The following ESRRG variants were observed in gnomAD, a reference collection of about 807,000 sequenced individuals.
ESRRG encodes the protein estrogen related receptor gamma, also known as estrogen-related receptor gamma.
In ESRRG, 13 loss-of-function variants were observed where a neutral mutation model predicts 44.0. The observed-to-expected ratio is 0.30, with a 90% confidence interval of 0.19 to 0.47. The LOEUF (loss-of-function observed/expected upper bound fraction) is 0.47. Ranked by LOEUF, ESRRG falls within the 20% of genes least tolerant of loss-of-function variation. ESRRG has a pLI of 1.00. For missense variants in ESRRG, 395 were observed against 580.6 expected (o/e 0.68, Z 3.29); for synonymous variants, 215 against 214.6 (o/e 1.00, Z -0.02).
At chr1:216,817,791 T>A (rs1249604003) in intron 2 of ESRRG, among the ~76,000 whole-genome samples, 1 of 152,208 alleles carries the variant, frequency 6.6e-6, no homozygotes, top group Non-Finnish European at 1.5e-5. Context: ...GATACACATT[T>A]AAAATTACTG....
chr1:216,793,673 T>C (rs1297081200), intron 2 of ESRRG, among the ~76,000 whole-genome samples: 2 of 152,190 alleles, frequency 1.3e-5, no homozygotes, highest in African/African-American at 4.8e-5. Flanking sequence ...TATAAGATTA[T>C]AGATATTTGT....
chr1:216,732,848 A>AGG (rs1237409035), intron 2 of ESRRG, among the ~76,000 whole-genome samples: 15 of 77,860 alleles, frequency 1.9e-4, no homozygotes, highest in Non-Finnish European at 3.6e-4. Context: ...TAAAAAAAAA[A>AGG]AGGGGGGGGA....
chr1:216,631,378 A>C (rs1156767088), intron 3 of ESRRG, among the ~76,000 whole-genome samples: 1 of 152,192 alleles, frequency 6.6e-6, no homozygotes, highest in East Asian at 1.9e-4. Context: ...CTTGGTAAAT[A>C]GTGTTTGTTT....
chr1:217,110,532 G>A (rs1374235644), intron 1 of ESRRG, among the ~76,000 whole-genome samples: 1 of 152,164 alleles, frequency 6.6e-6, no homozygotes. Context: ...CTGGAAGCAT[G>A]TTGGCATCTT....
chr1:216,720,131 C>G (rs2085897901), intron 1 of ESRRG, among the ~76,000 whole-genome samples: 1 of 151,972 alleles, frequency 6.6e-6, no homozygotes, highest in African/African-American at 2.4e-5. Context: ...TTACATAATA[C>G]TAGTCATCTG....
At chr1:216,693,438 T>A (rs2079479012) in intron 1 of ESRRG, among the ~76,000 whole-genome samples, 1 of 152,168 alleles carries the variant, frequency 6.6e-6, no homozygotes, top group South Asian at 2.1e-4. Context: ...AGTTTTAACA[T>A]CCTTTTTAAT....
intron 3 of ESRRG, among the ~76,000 whole-genome samples, chr1:216,628,826 T>C (rs2063618991): frequency 6.6e-6 from 1 of 152,218 alleles, no homozygotes; most frequent in African/African-American, 2.4e-5. Flanking sequence ...AGATCCTTCA[T>C]TATCAAGTCC....
intron 2 of ESRRG, among the ~76,000 whole-genome samples, chr1:216,744,460 A>T (rs2152253803): frequency 7.2e-6 from 1 of 139,294 alleles, no homozygotes; most frequent in East Asian, 2.2e-4. Flanking sequence ...AGTACCACAC[A>T]CTTGAATATG....
chr1:216,998,390 T>G (rs897624948), intron 1 of ESRRG, among the ~76,000 whole-genome samples: 2 of 152,236 alleles, frequency 1.3e-5, no homozygotes, highest in African/African-American at 4.8e-5. Context: ...TTGCCAGTGT[T>G]GTTTGCCTAC....
chr1:217,109,342 A>G (rs2092635241), intron 1 of ESRRG, among the ~76,000 whole-genome samples: 1 of 152,198 alleles, frequency 6.6e-6, no homozygotes, highest in South Asian at 2.1e-4. Context: ...GAGATGGACT[A>G]CAAACTCTTT....
intron 2 of ESRRG, among the ~76,000 whole-genome samples, chr1:216,867,553 G>A (rs2096187255): frequency 6.6e-6 from 1 of 152,060 alleles, no homozygotes; most frequent in African/African-American, 2.4e-5. Flanking sequence ...CTATTTCACT[G>A]CAGAAAAATT....
intron 2 of ESRRG, among the ~76,000 whole-genome samples, chr1:216,857,355 C>A (rs867860665): frequency 6.6e-6 from 1 of 150,514 alleles, no homozygotes; most frequent in Non-Finnish European, 1.5e-5. Flanking sequence ...CCTTAACCAC[C>A]CTTTGGGAAA....
At chr1:217,017,478 CA>C (rs55820027) in intron 1 of ESRRG, among the ~76,000 whole-genome samples, 4,754 of 82,440 alleles carry the variant, frequency 0.058, 134 homozygotes, top group African/African-American at 0.097. Flanking sequence ...CTACATAACT[CA>C]AAAAAAAAAA....
At chr1:216,580,733 A>G (rs1273446020) in intron 3 of ESRRG, among the ~76,000 whole-genome samples, 1 of 152,194 alleles carries the variant, frequency 6.6e-6, no homozygotes, top group African/African-American at 2.4e-5. Context: ...AAAAGATGGA[A>G]TTGACCCACA....
chr1:216,795,084 T>C (rs2094437065), intron 2 of ESRRG, among the ~76,000 whole-genome samples: 1 of 152,080 alleles, frequency 6.6e-6, no homozygotes, highest in African/African-American at 2.4e-5. Context: ...TTCAGTTAAT[T>C]TCCATTCCAG....
chr1:216,723,733 T>C (rs934407582), upstream of ESRRG, among the ~76,000 whole-genome samples: 1 of 151,702 alleles, frequency 6.6e-6, no homozygotes, highest in East Asian at 1.9e-4. Context: ...TTCTCTCTCT[T>C]TCTTTTTTTT....
At position 216,506,714 on chromosome 1, in the gene ESRRG, A is replaced by C. The variant is rs2041293795; in HGVS notation, c.*225T>G. The C allele has an allele frequency of 6.3e-6, 4 of 635,592 alleles. No homozygotes were observed. The highest frequency in any genetic ancestry group is 1.1e-5 in the Non-Finnish European group (4 of 353,688). The allele number at this position is 635,592 out of a possible 1,614,324, so 39.4% of individuals were successfully genotyped here. On this transcript the variant is annotated 3_prime_UTR_variant, in exon 7 of 7. Transcript: ENST00000408911. Reference sequence around the variant, plus strand: ...AGGAGAAAAAATAAAGAGAAAGAGAAATGTGGGAAGAAAGAGGAAAGAAGA... The same window carrying C: ...AGGAGAAAAAATAAAGAGAAAGAGACATGTGGGAAGAAAGAGGAAAGAAGA...
chr1:217,041,707 T>C (rs921077397), intron 1 of ESRRG, among the ~76,000 whole-genome samples: 3 of 152,242 alleles, frequency 2.0e-5, no homozygotes, highest in African/African-American at 7.2e-5. Flanking sequence ...GGCATCTGAC[T>C]GTCACCCTAC....
chr1:217,019,422 T>C (rs1449393285), intron 1 of ESRRG, among the ~76,000 whole-genome samples: 2 of 152,182 alleles, frequency 1.3e-5, no homozygotes, highest in African/African-American at 2.4e-5. Flanking sequence ...ACATTTGCTC[T>C]ACATGCCAAT....
Sources: allele counts gnomAD v4.1 joint callset (sites outside exome capture counted in the v4.1 genomes callset), GRCh38; gene constraint gnomAD v4.1.1; transcripts MANE v1.5; gene names NCBI Gene and HGNC (gene_info 2026-07-23, HGNC 2026-07-21).